DNAH5: variants seen among roughly 807,000 people sequenced by gnomAD.
DNAH5 encodes axonemal beta dynein heavy chain 5.
In DNAH5, 372 loss-of-function variants were observed where a neutral mutation model predicts 518.2. The ratio of observed to expected loss-of-function variants is 0.72; its 90% CI spans 0.66 to 0.78. The LOEUF (loss-of-function observed/expected upper bound fraction) is 0.78. Among genes scored for constraint, DNAH5 ranks in the 30% least tolerant of loss-of-function variants. The probability of loss-of-function intolerance (pLI) is 0.00; values close to 1 mark genes in which losing one functional copy is unlikely to be tolerated. For synonymous variants in DNAH5, 2,039 were observed against 2,025.9 expected (o/e 1.01, Z -0.17); for missense variants, 5,523 against 5,687.0 (o/e 0.97, Z 0.93).
At chr5:13,827,322 A>G (rs1317028070) in intron 38 of DNAH5, among the ~76,000 whole-genome samples, 1 of 151,688 alleles carries the variant, frequency 6.6e-6, no homozygotes, top group Non-Finnish European at 1.5e-5. Context: ...CAATGGAGAA[A>G]ATGTCTCCAG....
rs756093950 is a variant in DNAH5, at chr5:13,842,433, A to AAGAGAGAGAGAGAGAGAGAGAGAG, written c.5272-530_5272-529insCTCTCTCTCTCTCTCTCTCTCTCT. Among the ~76,000 whole-genome samples the AAGAGAGAGAGAGAGAGAGAGAGAG allele has an allele frequency of 6.6e-4, 41 of 61,924 alleles. 2 individuals are homozygous for AAGAGAGAGAGAGAGAGAGAGAGAG. The highest frequency in any genetic ancestry group is 9.7e-4 in the African/African-American group (15 of 15,454). The allele number at this position is 61,924 out of a possible 152,430, so 40.6% of individuals were successfully genotyped here. ...GAAAGAAAAGAAAAGAAAAGAAAGAAAGAAAGAAAGAAAGAAAGAAAGAAA... is the reference window on the plus strand; with the variant it reads ...GAAAGAAAAGAAAAGAAAAGAAAGAAAGAGAGAGAGAGAGAGAGAGAGAGAGAAAGAAAGAAAGAAAGAAAGAAA... On this transcript the variant is annotated intron_variant, in intron 32 of 78. Transcript: ENST00000265104.
chr5:13,795,574 A>C (rs547221134), intron 47 of DNAH5, among the ~76,000 whole-genome samples: 1 of 152,218 alleles, frequency 6.6e-6, no homozygotes. Context: ...TACCAACCAA[A>C]AAAAGTCCAG....
intron 1 of DNAH5, among the ~76,000 whole-genome samples, chr5:13,956,623 C>T (rs60807240): frequency 0.069 from 10,518 of 152,212 alleles, 703 homozygotes; most frequent in African/African-American, 0.17. Context: ...TCTGCCCATG[C>T]GTGCCCCTAG....
chr5:13,917,122 G>A, intron 8 of DNAH5, 21 bp downstream of exon 8: 1 of 1,562,060 alleles, frequency 6.4e-7, no homozygotes, highest in Non-Finnish European at 8.8e-7. Context: ...TAGACTGAAA[G>A]AGTAGAAATC....
At chr5:13,794,155 G>T (rs1459957885) in intron 47 of DNAH5, 97 bp from the exon 48 acceptor site, 1 of 1,499,948 alleles carries the variant, frequency 6.7e-7, no homozygotes, top group Non-Finnish European at 9.1e-7. Flanking sequence ...CCTTTGAACT[G>T]ATATGAATTA....
chr5:13,752,216 A>C lies in DNAH5; in HGVS notation c.10946T>G (p.Ile3649Ser). The C allele has an allele frequency of 6.2e-7, 1 of 1,614,074 alleles. No individual in the cohort carries two copies. Among genetic ancestry groups the C allele is most frequent in the Non-Finnish European group, 8.5e-7 (1 of 1,179,968 alleles). ...DSLSLGRPLL[I>S]EDVGEELDPA... ...ATCTAGTTCCTCTCCAACATCTTCA[A>C]TAAGCAAAGGCCTTCCAAGAGAAAG... Residue 3649 changes from isoleucine (I) to serine (S), a missense_variant, in exon 64 of 79, where the codon ATT becomes AGT. By Grantham distance (142) the Ile-to-Ser change is moderately radical. This residue lies in a region of DNAH5 where 5,121 missense variants were observed against 5,223.3 expected (regional missense o/e 0.98). Coordinates refer to ENST00000265104, the MANE Select transcript of DNAH5 (RefSeq NM_001369.3).
rs202196442 is a variant in DNAH5, at chr5:13,882,678, A to G, written c.3262+50T>C. ...AGGGGTTAAAAAACATTTAAGCTCA[A>G]TGAATGTTGATTTACAATGCCTCTT... is the stretch of plus-strand genomic sequence containing the variant. On this transcript the variant is annotated intron_variant, in intron 21 of 78. Coordinates refer to ENST00000265104, the MANE Select transcript of DNAH5 (RefSeq NM_001369.3). 1,511 of 1,400,230 alleles carry G rather than the reference A, an allele frequency of 1.1e-3. 1 individual carries two copies. The highest frequency in any genetic ancestry group is 1.5e-3 in the Non-Finnish European group (1,438 of 990,218). 86.7% of individuals were successfully genotyped at this position (1,400,230 alleles called of 1,614,324 possible).
In DNAH5 at chr5:13,866,208, TAAAAA is replaced by T; in HGVS notation, c.4116+7_4116+11del. The T allele has an allele frequency of 6.2e-7, 1 of 1,612,454 alleles. No individual in the cohort carries two copies. Among genetic ancestry groups the T allele is most frequent in the Non-Finnish European group, 8.5e-7 (1 of 1,178,812 alleles). The stretch of plus-strand genomic sequence containing the variant: ...TCATTGTTTAGAAAGTCATAGAAAC[TAAAAA>T]GATTACCTGAAACATGATAAGCCTG... On this transcript the variant is annotated splice_region_variant and intron_variant, in intron 26 of 78. Coordinates refer to ENST00000265104, the MANE Select transcript of DNAH5 (RefSeq NM_001369.3).
intron 47 of DNAH5, among the ~76,000 whole-genome samples, chr5:13,799,206 A>ACC (rs70964509): frequency 0.19 from 25,511 of 137,376 alleles, 2,438 homozygotes; most frequent in Middle Eastern, 0.29. Context: ...AGAATTTCAT[A>ACC]CCCCCCCCCA....
At position 13,922,130 on chromosome 5, in the gene DNAH5, C is replaced by T. The variant is rs1777375578; in HGVS notation, c.637G>A (p.Ala213Thr). Reference protein sequence around the residue: ...LEGFVNVLSGAQESLKEKVNL... With the variant: ...LEGFVNVLSGTQESLKEKVNL... Reference sequence around the variant, plus strand: ...ACCTTCTCCTTCAGACTCTCCTGTGCACCCGACAGGACGTTCACAAAGCCT... The same window carrying T: ...ACCTTCTCCTTCAGACTCTCCTGTGTACCCGACAGGACGTTCACAAAGCCT... The change falls in exon 5 of 79, where the codon GCA (alanine) becomes ACA (threonine). Residue 213 changes from alanine (A) to threonine (T), a missense_variant. By Grantham distance (58) the Ala-to-Thr change is moderately conservative (BLOSUM62 0). Transcript: ENST00000265104. 4 of 1,614,080 alleles carry T rather than the reference C, an allele frequency of 2.5e-6. No homozygotes were observed. Among genetic ancestry groups the T allele is most frequent in the Non-Finnish European group, 3.4e-6 (4 of 1,179,986 alleles).
At position 13,814,687 on chromosome 5, in the gene DNAH5, T is replaced by C; in HGVS notation, c.7148A>G (p.Asp2383Gly). Residue 2383 changes from aspartate to glycine, a missense_variant, in exon 43 of 79, where the codon GAC (aspartate) becomes GGC (glycine). By Grantham distance (94) the Asp-to-Gly change is moderately conservative. Around this residue, in one of 3 missense-constraint regions of DNAH5, gnomAD observed 5,121 missense variants for 5,223.3 expected, o/e 0.98. Coordinates refer to ENST00000265104, the MANE Select transcript of DNAH5 (RefSeq NM_001369.3). ...TGAGACGGTGGCAGGAGAAGCATTG[T>C]CAATGTTATGAGGCTCGAAAATGAT... ...CKIIFEPHNI[D>G]NASPATVSRN... 1 of 1,614,084 alleles carries C rather than the reference T, an allele frequency of 6.2e-7. No homozygotes were observed. Among genetic ancestry groups the C allele is most frequent in the Non-Finnish European group, 8.5e-7 (1 of 1,179,952 alleles).
intron 60 of DNAH5, 79 bp from the exon 61 acceptor site, chr5:13,759,062 CT>C: frequency 6.4e-7 from 1 of 1,574,408 alleles, no homozygotes; most frequent in Non-Finnish European, 8.6e-7. Context: ...GAGAACTCAG[CT>C]AACGTCACAT....
chr5:13,829,027 C>A (rs1763284721), intron 38 of DNAH5, among the ~76,000 whole-genome samples: 2 of 152,178 alleles, frequency 1.3e-5, no homozygotes, highest in Admixed American at 1.3e-4. Flanking sequence ...AATTCCATGA[C>A]TTTTAACTAT....
rs571485061 is a variant in DNAH5, at chr5:13,788,284, G to T, written c.8647+432C>A. Among the ~76,000 whole-genome samples, 16 of 152,294 alleles carry T rather than the reference G, an allele frequency of 1.1e-4. No individual in the cohort carries two copies. In the South Asian group the frequency reaches 3.3e-3, roughly 32 times the overall value. On this transcript the variant is annotated intron_variant, in intron 51 of 78. Transcript: ENST00000265104. ...TGACTACAGGCCATAGACTGCCCAAGCCATTCTACAGATAACATTTCATGG... is the reference window on the plus strand; with the variant it reads ...TGACTACAGGCCATAGACTGCCCAATCCATTCTACAGATAACATTTCATGG...
At chr5:13,747,713 C>T (rs891831711) in intron 65 of DNAH5, among the ~76,000 whole-genome samples, 26 of 152,118 alleles carry the variant, frequency 1.7e-4, no homozygotes, top group African/African-American at 5.8e-4. Context: ...TCATATCCTT[C>T]GCCCGCTTGT....
chr5:13,808,917 G>A (rs1350468150), intron 46 of DNAH5, 127 bp downstream of exon 46: 36 of 1,129,322 alleles, frequency 3.2e-5, no homozygotes, highest in Middle Eastern at 5.9e-4. Context: ...CCGAGATCGC[G>A]CCACTGCACT....
At chr5:13,746,837 GC>G (rs1389229331) in intron 65 of DNAH5, among the ~76,000 whole-genome samples, 2 of 151,562 alleles carry the variant, frequency 1.3e-5, no homozygotes, top group Non-Finnish European at 2.9e-5. Context: ...TAAATTTCTA[GC>G]AGAAACAACT....
intron 50 of DNAH5, 53 bp downstream of exon 50, chr5:13,791,941 A>T: frequency 7.2e-7 from 1 of 1,394,254 alleles, no homozygotes; most frequent in Non-Finnish European, 1.0e-6. Context: ...AAATATTTAG[A>T]ATATATCATT....
At chr5:13,933,334 CAATA>C (rs1181448877) in intron 1 of DNAH5, among the ~76,000 whole-genome samples, 1 of 152,122 alleles carries the variant, frequency 6.6e-6, no homozygotes, top group African/African-American at 2.4e-5. Flanking sequence ...TATGTGCATT[CAATA>C]AATATTTGTC....
Sources: allele counts gnomAD v4.1 joint callset (sites outside exome capture counted in the v4.1 genomes callset), GRCh38; gene constraint gnomAD v4.1.1; regional missense constraint gnomAD v4.1.1; transcripts MANE v1.5; gene names NCBI Gene and HGNC (gene_info 2026-07-23, HGNC 2026-07-21).